The following LURAP1L variants were observed in gnomAD, a reference collection of about 807,000 sequenced individuals.
LURAP1L encodes leucine rich adaptor protein 1-like.
A neutral mutation model predicts 13.8 loss-of-function variants in LURAP1L; 12 were observed. The observed-to-expected ratio is 0.87, with a 90% CI of 0.56 to 1.41. The LOEUF (loss-of-function observed/expected upper bound fraction) is 1.41, where lower values mean the gene tolerates loss of function less well. LURAP1L is among the 40% of genes most tolerant of loss of function. The pLI, the probability that LURAP1L is intolerant of heterozygous loss-of-function variation, is 0.00. For synonymous variants in LURAP1L, 139 were observed against 119.2 expected (o/e 1.17, Z -1.08); for missense variants, 375 against 292.9 (o/e 1.28, Z -2.04).
At position 12,815,328 on chromosome 9, in the gene LURAP1L, C is replaced by T. The variant is rs1819790150; in HGVS notation, c.313-6058C>T. On this transcript the variant is annotated intron_variant, in intron 1 of 1. Transcript: ENST00000319264. ...CAATACTCCAAGTGCTTTTAAACAG[C>T]TCTTCAGTTTATATAGACTTTTAAA... Among the ~76,000 whole-genome samples, 3 of 152,132 alleles carry T rather than the reference C, an allele frequency of 2.0e-5. No homozygotes were observed. In the East Asian group the frequency reaches 5.8e-4, roughly 29 times the overall value.
rs755917295 is a variant in LURAP1L at position 12,821,688 on chromosome 9, C to T, written c.615C>T (p.Ser205=). ...CAGACTTGGACCAATTCAGTGACAG[C>T]TCCCTCATAGAGGACTCACAGGCAC... is the stretch of plus-strand genomic sequence containing the variant. ...TPSDLDQFSD[S]SLIEDSQALH... Residue 205 remains serine, a synonymous_variant, in exon 2 of 2, where the codon AGC becomes AGT. Transcript: ENST00000319264. 15 of 1,614,046 alleles carry T rather than the reference C, an allele frequency of 9.3e-6. No homozygotes were observed. Among genetic ancestry groups the T allele is most frequent in the Admixed American group, 1.7e-5 (1 of 59,992 alleles).
chr9:12,777,486 G>C (rs1312578804), intron 1 of LURAP1L: 1 of 985,022 alleles, frequency 1.0e-6, no homozygotes, highest in Non-Finnish European at 1.2e-6. Context: ...AAGGAGATGA[G>C]GAAATTTTAT....
rs894529859 is a variant in LURAP1L at position 12,818,943 on chromosome 9, G to C, written c.313-2443G>C. Among the ~76,000 whole-genome samples, 5 of 152,086 alleles carry C rather than the reference G, an allele frequency of 3.3e-5. No homozygotes were observed. The South Asian group carries it at 8.3e-4, about 25-fold the overall frequency. On this transcript the variant is annotated intron_variant, in intron 1 of 1. Coordinates refer to ENST00000319264, the MANE Select transcript of LURAP1L (RefSeq NM_203403.2). Reference sequence around the variant, plus strand: ...AGTTTGACTCATATTGATTTTTCTGGGCTGCTCAGTGGACCTAGGCAAATT... The same window carrying C: ...AGTTTGACTCATATTGATTTTTCTGCGCTGCTCAGTGGACCTAGGCAAATT...
At chr9:12,798,663 C>T (rs1162731864) in intron 1 of LURAP1L, among the ~76,000 whole-genome samples, 2 of 152,172 alleles carry the variant, frequency 1.3e-5, no homozygotes, top group East Asian at 3.9e-4. Context: ...TTATGCTAAT[C>T]TGTGGTAGGA....
At chr9:12,802,320 G>A (rs1269976246) in intron 1 of LURAP1L, among the ~76,000 whole-genome samples, 1 of 152,120 alleles carries the variant, frequency 6.6e-6, no homozygotes, top group African/African-American at 2.4e-5. Context: ...GGTTGGGCCT[G>A]GTGGGAGGGG....
At chr9:12,789,770 G>A (rs2118486875) in intron 1 of LURAP1L, among the ~76,000 whole-genome samples, 1 of 152,288 alleles carries the variant, frequency 6.6e-6, no homozygotes, top group East Asian at 1.9e-4. Context: ...AATAAAATAG[G>A]ACTCAGATAG....
At chr9:12,785,075 G>A (rs977957587) in intron 1 of LURAP1L, among the ~76,000 whole-genome samples, 17 of 151,712 alleles carry the variant, frequency 1.1e-4, no homozygotes, top group African/African-American at 2.4e-4. Flanking sequence ...TTCACCTTAT[G>A]GTGAATCTTG....
chr9:12,777,153 G>C (rs1266220133), intron 1 of LURAP1L: 5 of 703,588 alleles, frequency 7.1e-6, no homozygotes, highest in Non-Finnish European at 8.7e-6. Flanking sequence ...TCATTCTATC[G>C]TTTAGTTATT....
chr9:12,821,036 C>T (rs568457131), intron 1 of LURAP1L, among the ~76,000 whole-genome samples: 13 of 152,146 alleles, frequency 8.5e-5, no homozygotes, highest in Admixed American at 4.6e-4. Context: ...CACGTATATA[C>T]GCCAACGTAA....
In LURAP1L at chr9:12,815,463, C is replaced by G. The variant is rs539685802; in HGVS notation, c.313-5923C>G. ...ATGATTAGTTTCTCCTAATGAGAAACTAGGGTTAGAGCATCACATTAAAAA... is the reference window on the plus strand; with the variant it reads ...ATGATTAGTTTCTCCTAATGAGAAAGTAGGGTTAGAGCATCACATTAAAAA... On this transcript the variant is annotated intron_variant, in intron 1 of 1. Transcript: ENST00000319264. Among the ~76,000 whole-genome samples, 3 of 152,246 alleles carry G rather than the reference C, an allele frequency of 2.0e-5. No individual in the cohort carries two copies. The South Asian group carries it at 6.2e-4, about 32-fold the overall frequency.
intron 1 of LURAP1L, among the ~76,000 whole-genome samples, chr9:12,808,376 T>C (rs1481628253): frequency 1.3e-5 from 2 of 152,154 alleles, no homozygotes; most frequent in African/African-American, 2.4e-5. Flanking sequence ...TTAACCACTT[T>C]TAAGTGTATA....
chr9:12,821,333 C>T (rs943060395), intron 1 of LURAP1L, 53 bp from the exon 2 acceptor site: 4 of 1,556,864 alleles, frequency 2.6e-6, no homozygotes, highest in Non-Finnish European at 8.7e-7. Flanking sequence ...GAATTTGAGG[C>T]CTTTCGAGAG....
At chr9:12,780,297 T>G (rs2118459150) in intron 1 of LURAP1L, among the ~76,000 whole-genome samples, 1 of 152,302 alleles carries the variant, frequency 6.6e-6, no homozygotes, top group Non-Finnish European at 1.5e-5. Flanking sequence ...GTGTGGTGAC[T>G]TGCCAGGTGT....
intron 1 of LURAP1L, among the ~76,000 whole-genome samples, chr9:12,779,070 C>A (rs1049800570): frequency 6.6e-6 from 1 of 152,182 alleles, no homozygotes; most frequent in East Asian, 1.9e-4. Flanking sequence ...ATGTCTCTCT[C>A]TCTCTTTCTC....
intron 1 of LURAP1L, among the ~76,000 whole-genome samples, chr9:12,785,122 C>A (rs950531317): frequency 2.0e-5 from 3 of 152,228 alleles, no homozygotes; most frequent in African/African-American, 7.2e-5. Flanking sequence ...CAGCGGGTTC[C>A]CTTCTGGCCC....
intron 1 of LURAP1L, among the ~76,000 whole-genome samples, chr9:12,793,752 T>A (rs1276597831): frequency 6.6e-6 from 1 of 151,976 alleles, no homozygotes; most frequent in East Asian, 1.9e-4. Context: ...TACAAAGAAA[T>A]CTCTTTATTG....
At chr9:12,795,786 A>G (rs16929570) in intron 1 of LURAP1L, among the ~76,000 whole-genome samples, 5,040 of 152,096 alleles carry the variant, frequency 0.033, 319 homozygotes, top group African/African-American at 0.12. Context: ...TGGGTACCAA[A>G]CGGTCTCCAT....
chr9:12,798,007 G>C (rs1489162746), intron 1 of LURAP1L, among the ~76,000 whole-genome samples: 1 of 152,026 alleles, frequency 6.6e-6, no homozygotes, highest in Non-Finnish European at 1.5e-5. Context: ...TAGTTCATGG[G>C]GCAAGCATTT....
At chr9:12,799,705 C>A (rs949423805) in intron 1 of LURAP1L, among the ~76,000 whole-genome samples, 1 of 151,912 alleles carries the variant, frequency 6.6e-6, no homozygotes, top group Non-Finnish European at 1.5e-5. Context: ...ATGGTGAAAC[C>A]TCATCTCTAC....
Sources: allele counts gnomAD v4.1 joint callset (sites outside exome capture counted in the v4.1 genomes callset), GRCh38; gene constraint gnomAD v4.1.1; transcripts MANE v1.5; gene names NCBI Gene and HGNC (gene_info 2026-07-23, HGNC 2026-07-21).